Variants in PAPPA2 observed in about 807,000 individuals in gnomAD.
The protein encoded by PAPPA2 is pappalysin 2.
In PAPPA2, 86 loss-of-function variants were observed where a neutral mutation model predicts 176.4. The observed-to-expected ratio is 0.49, with a 90% CI of 0.41 to 0.58. The LOEUF (loss-of-function observed/expected upper bound fraction) is 0.58. PAPPA2 is among the 20% of genes least tolerant of loss of function. The pLI, the probability that PAPPA2 is intolerant of heterozygous loss-of-function variation, is 0.00. For missense variants in PAPPA2, 2,073 were observed against 2,256.9 expected (o/e 0.92, Z 1.65); for synonymous variants, 809 against 852.2 (o/e 0.95, Z 0.88).
intron 2 of PAPPA2, among the ~76,000 whole-genome samples, chr1:176,588,321 G>A (rs1041983957): frequency 2.6e-5 from 4 of 152,192 alleles, no homozygotes; most frequent in African/African-American, 9.7e-5. Flanking sequence ...CTGAGATGAT[G>A]GAGTTTTCTA....
At position 176,702,727 on chromosome 1, in the gene PAPPA2, G is replaced by C. The variant is rs542607128; in HGVS notation, c.3357G>C (p.Lys1119Asn). Residue 1119 changes from lysine (K) to asparagine (N), a missense_variant, in exon 9 of 23, where the codon AAG becomes AAC. Lys to Asn is a moderately conservative substitution (Grantham distance 94). Transcript: ENST00000367662. ...IHGAPYCGDG[K>N]VSERLGEECD... Reference sequence around the variant, plus strand: ...GAGCTCCTTATTGTGGAGATGGGAAGGTGTCAGAGTGAGTATTTTGTGTGT... The same window carrying C: ...GAGCTCCTTATTGTGGAGATGGGAACGTGTCAGAGTGAGTATTTTGTGTGT... 1.3e-6 allele frequency: 2 copies of C among 1,582,342 alleles called. No homozygotes were observed. Among genetic ancestry groups the C allele is most frequent in the East Asian group, 4.7e-5 (2 of 42,886 alleles).
intron 1 of PAPPA2, among the ~76,000 whole-genome samples, chr1:176,523,007 T>C (rs1400261288): frequency 6.6e-6 from 1 of 152,004 alleles, no homozygotes; most frequent in Non-Finnish European, 1.5e-5. Context: ...TCAGGCAAGG[T>C]TTCCCCTGAT....
chr1:176,572,653 A>T (rs1652419464), intron 2 of PAPPA2, among the ~76,000 whole-genome samples: 1 of 152,220 alleles, frequency 6.6e-6, no homozygotes, highest in Non-Finnish European at 1.5e-5. Context: ...ACATTCAGGT[A>T]TTATTAAGTG....
chr1:176,586,687 T>C (rs1653330486), intron 2 of PAPPA2, among the ~76,000 whole-genome samples: 1 of 152,248 alleles, frequency 6.6e-6, no homozygotes, highest in Non-Finnish European at 1.5e-5. Flanking sequence ...TTATCCAGTC[T>C]ATCACTGATG....
intron 1 of PAPPA2, among the ~76,000 whole-genome samples, chr1:176,499,927 T>C (rs1647862338): frequency 6.6e-6 from 1 of 152,178 alleles, no homozygotes; most frequent in Non-Finnish European, 1.5e-5. Context: ...CCTCTGTGTG[T>C]ATGTATGTAT....
intron 2 of PAPPA2, among the ~76,000 whole-genome samples, chr1:176,583,834 T>A (rs1653127402): frequency 6.6e-6 from 1 of 152,158 alleles, no homozygotes; most frequent in Non-Finnish European, 1.5e-5. Context: ...GTGGGAGGAC[T>A]GCTCAAGCCC....
chr1:176,833,542 C>G (rs1345116956), intron 21 of PAPPA2, among the ~76,000 whole-genome samples: 2 of 152,186 alleles, frequency 1.3e-5, no homozygotes, highest in Non-Finnish European at 2.9e-5. Context: ...TCTTTCTGCT[C>G]TGGTTTACAG....
chr1:176,603,320 T>A (rs967600584), intron 3 of PAPPA2, among the ~76,000 whole-genome samples: 1 of 152,236 alleles, frequency 6.6e-6, no homozygotes, highest in African/African-American at 2.4e-5. Context: ...TTTCTTTGCC[T>A]TGGACTCTGG....
In PAPPA2 at chr1:176,519,834, T is replaced by C. The variant is rs966283987; in HGVS notation, c.-916-35573T>C. Among the ~76,000 whole-genome samples, 3 of 152,300 alleles carry C rather than the reference T, an allele frequency of 2.0e-5. No individual in the cohort carries two copies. The East Asian group carries it at 5.8e-4, about 29-fold the overall frequency. On this transcript the variant is annotated intron_variant, in intron 1 of 22. Coordinates refer to ENST00000367662, the MANE Select transcript of PAPPA2 (RefSeq NM_020318.3). ...ACCAGACAGTGAAGTTGAAAGTTGG[T>C]AGTTGGCTGGGAGCTATAGTAAAAA... is the stretch of plus-strand genomic sequence containing the variant.
chr1:176,532,950 G>A (rs775391100), intron 1 of PAPPA2, among the ~76,000 whole-genome samples: 3 of 152,156 alleles, frequency 2.0e-5, no homozygotes, highest in Non-Finnish European at 2.9e-5. Flanking sequence ...TTTGCCCATG[G>A]CAATCTTGTG....
intron 17 of PAPPA2, among the ~76,000 whole-genome samples, chr1:176,773,589 T>G (rs935821248): frequency 1.3e-5 from 2 of 152,200 alleles, no homozygotes; most frequent in Admixed American, 6.5e-5. Context: ...TCAACATCCA[T>G]GTATCTCAGT....
intron 3 of PAPPA2, among the ~76,000 whole-genome samples, chr1:176,619,133 T>A (rs1655442813): frequency 6.6e-6 from 1 of 152,178 alleles, no homozygotes; most frequent in Admixed American, 6.5e-5. Flanking sequence ...GGAAGTTGCA[T>A]TTAAACTGAA....
At chr1:176,555,193 G>A (rs1651204589) in intron 1 of PAPPA2, among the ~76,000 whole-genome samples, 1 of 152,044 alleles carries the variant, frequency 6.6e-6, no homozygotes. Context: ...GAGGAAGGAG[G>A]GGACAGGGAG....
intron 5 of PAPPA2, chr1:176,691,293 A>G (rs1660110686): frequency 9.9e-6 from 5 of 505,662 alleles, no homozygotes; most frequent in Non-Finnish European, 1.3e-5. Context: ...AAAAGAATAA[A>G]CCACCACACC....
At chr1:176,658,066 C>A (rs957961530) in intron 3 of PAPPA2, among the ~76,000 whole-genome samples, 1 of 151,964 alleles carries the variant, frequency 6.6e-6, no homozygotes, top group African/African-American at 2.4e-5. Context: ...CTTCTGGGAT[C>A]TTTGTCCAGC....
chr1:176,562,134 C>T (rs1424098972), intron 2 of PAPPA2, among the ~76,000 whole-genome samples: 1 of 152,174 alleles, frequency 6.6e-6, no homozygotes, highest in Non-Finnish European at 1.5e-5. Flanking sequence ...TATCAAGACC[C>T]TTCACGATTT....
chr1:176,811,263 T>C (rs1666134461), intron 21 of PAPPA2, among the ~76,000 whole-genome samples: 1 of 152,244 alleles, frequency 6.6e-6, no homozygotes, highest in Admixed American at 6.5e-5. Flanking sequence ...ACTTTATCAC[T>C]TGTGCATTGT....
At chr1:176,832,983 C>A (rs1040457) in intron 21 of PAPPA2, among the ~76,000 whole-genome samples, 9,984 of 151,966 alleles carry the variant, frequency 0.066, 382 homozygotes, top group Non-Finnish European at 0.086. Context: ...TTACACAGGC[C>A]GTGGTTTGAG....
At chr1:176,601,348 AAAAC>A (rs1354233609) in intron 3 of PAPPA2, among the ~76,000 whole-genome samples, 3 of 152,190 alleles carry the variant, frequency 2.0e-5, no homozygotes, top group Admixed American at 1.3e-4. Context: ...ATGGCAGCAC[AAAAC>A]AAACAAAGAT....
Sources: allele counts gnomAD v4.1 joint callset (sites outside exome capture counted in the v4.1 genomes callset), GRCh38; gene constraint gnomAD v4.1.1; transcripts MANE v1.5; gene names NCBI Gene and HGNC (gene_info 2026-07-23, HGNC 2026-07-21).